Variants in CCDC171 observed in about 807,000 individuals in gnomAD.
The protein encoded by CCDC171 is coiled-coil domain containing 171, also known as coiled-coil domain-containing protein 171.
CCDC171 carries 177 observed loss-of-function variants against 168.2 expected under a neutral mutation model. The observed-to-expected ratio is 1.05, with a 90% confidence interval of 0.93 to 1.19. The LOEUF is 1.19. Among genes scored for constraint, CCDC171 ranks in the 50% most tolerant of loss-of-function variants. The probability of loss-of-function intolerance (pLI) is 0.00; values close to 1 mark genes in which losing one functional copy is unlikely to be tolerated. For synonymous variants in CCDC171, 687 were observed against 540.8 expected (o/e 1.27, Z -3.75); for missense variants, 1,991 against 1,539.0 (o/e 1.29, Z -4.91).
chr9:16,030,912 C>A (rs929439408), intron 6 of CCDC171, among the ~76,000 whole-genome samples: 20 of 152,140 alleles, frequency 1.3e-4, no homozygotes, highest in Non-Finnish European at 2.4e-4. Context: ...TAATGGACTT[C>A]AAAGCAGAAA....
chr9:15,846,676 T>A (rs2060908573), intron 21 of CCDC171, 26 bp from the exon 22 acceptor site: 1 of 1,610,518 alleles, frequency 6.2e-7, no homozygotes, highest in African/African-American at 1.3e-5. Context: ...GGCTGACAAG[T>A]AACTCTGTTT....
intron 3 of CCDC171, among the ~76,000 whole-genome samples, chr9:15,994,481 T>A (rs59693641): frequency 0.083 from 12,667 of 152,204 alleles, 1,745 homozygotes; most frequent in African/African-American, 0.29. Context: ...ATATACCTAA[T>A]GTAAATGACG....
At chr9:15,724,668 C>A (rs1252439761) in intron 13 of CCDC171, 108 bp from the exon 14 acceptor site, 2 of 668,482 alleles carry the variant, frequency 3.0e-6, no homozygotes, top group Non-Finnish European at 5.2e-6. Context: ...CTTTGTGATT[C>A]TTTCATTTTA....
chr9:15,580,007 G>T (rs887035436), intron 4 of CCDC171, among the ~76,000 whole-genome samples: 27 of 152,016 alleles, frequency 1.8e-4, no homozygotes, highest in African/African-American at 5.6e-4. Context: ...ACATGGTACT[G>T]GTATAAAAAC....
intron 21 of CCDC171, among the ~76,000 whole-genome samples, chr9:15,795,438 A>G (rs975141774): frequency 6.6e-6 from 1 of 152,028 alleles, no homozygotes; most frequent in Non-Finnish European, 1.5e-5. Flanking sequence ...AGTGGAAACT[A>G]GAAAAAATAT....
At chr9:15,866,586 TACTG>T (rs2061797620) in intron 23 of CCDC171, among the ~76,000 whole-genome samples, 1 of 152,004 alleles carries the variant, frequency 6.6e-6, no homozygotes, top group African/African-American at 2.4e-5. Flanking sequence ...GTTTTGGAAA[TACTG>T]AATGTAAGGT....
chr9:15,895,981 A>C (rs1820843492), intron 24 of CCDC171, among the ~76,000 whole-genome samples: 4 of 151,948 alleles, frequency 2.6e-5, no homozygotes, highest in African/African-American at 9.7e-5. Flanking sequence ...TTTCATGTCC[A>C]TATGCAATGG....
chr9:15,663,453 C>T (rs981626664), intron 8 of CCDC171, among the ~76,000 whole-genome samples: 2 of 151,972 alleles, frequency 1.3e-5, no homozygotes, highest in African/African-American at 2.4e-5. Context: ...TTCCTCTACC[C>T]TCCTGCCTGC....
chr9:15,577,567 C>G (rs1474450167), intron 3 of CCDC171, among the ~76,000 whole-genome samples: 1 of 152,130 alleles, frequency 6.6e-6, no homozygotes, highest in Non-Finnish European at 1.5e-5. Context: ...ATTATAAACC[C>G]ATCTTGAGAC....
At chr9:15,811,890 T>C (rs563335390) in intron 21 of CCDC171, among the ~76,000 whole-genome samples, 5 of 152,252 alleles carry the variant, frequency 3.3e-5, no homozygotes, top group Admixed American at 1.3e-4. Context: ...ATCAAGCAGT[T>C]TGTGGTGGAG....
chr9:15,782,904 C>A (rs2057738925), intron 20 of CCDC171, among the ~76,000 whole-genome samples: 1 of 152,142 alleles, frequency 6.6e-6, no homozygotes, highest in Admixed American at 6.5e-5. Context: ...ATACCTTTTA[C>A]TAGGTGACTC....
upstream of CCDC171, among the ~76,000 whole-genome samples, chr9:16,042,386 C>G (rs751581033): frequency 4.6e-5 from 7 of 152,158 alleles, no homozygotes; most frequent in Non-Finnish European, 1.0e-4. Flanking sequence ...TAGGCAGCCT[C>G]TTGAGGCCAG....
intron 6 of CCDC171, among the ~76,000 whole-genome samples, chr9:15,603,012 C>T (rs1338965589): frequency 6.6e-6 from 1 of 151,990 alleles, no homozygotes; most frequent in Admixed American, 6.6e-5. Context: ...GACGGAGTCT[C>T]ACTCTGTCAC....
chr9:16,004,991 A>G (rs2132962315), intron 3 of CCDC171, among the ~76,000 whole-genome samples: 1 of 152,296 alleles, frequency 6.6e-6, no homozygotes, highest in East Asian at 1.9e-4. Context: ...TAACATATAT[A>G]TTACTCATAT....
intron 3 of CCDC171, among the ~76,000 whole-genome samples, chr9:15,995,504 T>G (rs985361677): frequency 1.7e-4 from 26 of 152,228 alleles, no homozygotes; most frequent in Admixed American, 6.5e-4. Context: ...GCCTGCTGCA[T>G]TAGCACATCT....
intron 3 of CCDC171, among the ~76,000 whole-genome samples, chr9:16,003,065 T>C (rs982648032): frequency 6.6e-6 from 1 of 152,226 alleles, no homozygotes; most frequent in Non-Finnish European, 1.5e-5. Context: ...ATAATGTTCA[T>C]ACTGCTTACT....
intron 21 of CCDC171, among the ~76,000 whole-genome samples, chr9:15,785,982 G>GA (rs1238425933): frequency 6.6e-6 from 1 of 151,684 alleles, no homozygotes; most frequent in Admixed American, 6.6e-5. Context: ...AGGAAAATTA[G>GA]AAAATTTTGA....
intron 7 of CCDC171, among the ~76,000 whole-genome samples, chr9:15,630,200 G>T (rs201188578): frequency 6.6e-6 from 1 of 152,134 alleles, no homozygotes; most frequent in African/African-American, 2.4e-5. Context: ...ATGTAAATGG[G>T]CTAAGTGCTC....
intron 25 of CCDC171, among the ~76,000 whole-genome samples, chr9:15,970,415 C>T (rs963797749): frequency 1.3e-5 from 2 of 151,114 alleles, no homozygotes; most frequent in Non-Finnish European, 2.9e-5. Context: ...TTTTAAAACC[C>T]TGCAATATAG....
Sources: allele counts gnomAD v4.1 joint callset (sites outside exome capture counted in the v4.1 genomes callset), GRCh38; gene constraint gnomAD v4.1.1; transcripts MANE v1.5; gene names NCBI Gene and HGNC (gene_info 2026-07-23, HGNC 2026-07-21).